The following SNTB2 variants were observed in gnomAD, a reference collection of about 807,000 sequenced individuals.
SNTB2 encodes beta-2-syntrophin.
Under a neutral mutation model 46.2 loss-of-function variants are expected in SNTB2, and 34 were observed. The observed-to-expected ratio is 0.74, with a 90% CI of 0.56 to 0.98. The LOEUF (loss-of-function observed/expected upper bound fraction) is 0.98. SNTB2 is among the 50% of genes least tolerant of loss of function. The probability of loss-of-function intolerance (pLI) is 0.00; values close to 1 mark genes in which losing one functional copy is unlikely to be tolerated. For synonymous variants in SNTB2, 290 were observed against 312.6 expected, an observed-to-expected ratio of 0.93 and a Z score of 0.76; for missense variants, 603 against 731.4, an observed-to-expected ratio of 0.82 and a Z score of 2.02.
In SNTB2 at chr16:69,187,553, C is replaced by T. The variant is rs1487122631; in HGVS notation, c.387C>T (p.Ser129=). Residue 129 remains serine (S), a synonymous_variant, in exon 1 of 7, where the codon AGC becomes AGT. Coordinates refer to ENST00000336278, the MANE Select transcript of SNTB2 (RefSeq NM_006750.4). ...AAGAGGCGGGCGGCCTGGGCATCAGCATCAAGGGCGGCCGCGAGAACCGGA... is the reference window on the plus strand; with the variant it reads ...AAGAGGCGGGCGGCCTGGGCATCAGTATCAAGGGCGGCCGCGAGAACCGGA... ...VKQEAGGLGI[S]IKGGRENRMP... is the part of the protein sequence containing the mutation. 1 of 1,487,936 alleles carries T rather than the reference C, an allele frequency of 6.7e-7. No homozygotes were observed. Among genetic ancestry groups the T allele is most frequent in the Non-Finnish European group, 8.9e-7 (1 of 1,119,702 alleles). The allele number at this position is 1,487,936 out of a possible 1,614,324, so 92.2% of individuals were successfully genotyped here.
intron 1 of SNTB2, among the ~76,000 whole-genome samples, chr16:69,218,726 C>T (rs1484155452): frequency 6.6e-6 from 1 of 152,144 alleles, no homozygotes; most frequent in Non-Finnish European, 1.5e-5. Context: ...TGGCCTGTTA[C>T]AAACAATTTT....
chr16:69,215,249 G>A (rs1350179283), intron 1 of SNTB2, among the ~76,000 whole-genome samples: 1 of 152,186 alleles, frequency 6.6e-6, no homozygotes, highest in Non-Finnish European at 1.5e-5. Context: ...GCCAGGTGTG[G>A]TGATGCATGC....
intron 2 of SNTB2, among the ~76,000 whole-genome samples, chr16:69,255,930 G>A (rs148684062): frequency 2.5e-3 from 366 of 149,040 alleles, no homozygotes; most frequent in Admixed American, 3.8e-3. Context: ...GCTCACGCCT[G>A]TAATCCCAGC....
At chr16:69,280,802 C>CTTT (rs35066494) in intron 4 of SNTB2, among the ~76,000 whole-genome samples, 18,690 of 146,252 alleles carry the variant, frequency 0.13, 1,481 homozygotes, top group Middle Eastern at 0.22. Context: ...TTCATTCTCT[C>CTTT]TTTTTTTTTT....
At position 69,303,604 on chromosome 16, in the gene SNTB2, T is replaced by C. The variant is rs1965293334; in HGVS notation, c.*2680T>C. On this transcript the variant is annotated 3_prime_UTR_variant, in exon 7 of 7. Coordinates refer to ENST00000336278, the MANE Select transcript of SNTB2 (RefSeq NM_006750.4). ...AAATGAAAGTGTGGGAGGTTTCCTT[T>C]GTCCATTAGCAGCCCCAAGAACCAG... The C allele has an allele frequency of 1.3e-5, 2 of 152,660 alleles. No homozygotes were observed. The highest frequency in any genetic ancestry group is 2.9e-5 in the Non-Finnish European group (2 of 68,060). 9.5% of individuals were successfully genotyped at this position (152,660 alleles called of 1,614,324 possible). A position where few individuals can be genotyped will look rare whatever the true frequency, so the allele number is the denominator to read the frequency against.
chr16:69,278,208 T>G (rs1202144168), intron 4 of SNTB2, among the ~76,000 whole-genome samples: 1 of 152,016 alleles, frequency 6.6e-6, no homozygotes, highest in East Asian at 1.9e-4. Flanking sequence ...TCCTAGCTAC[T>G]CAGAAGCTGA....
intron 2 of SNTB2, among the ~76,000 whole-genome samples, chr16:69,255,129 G>A (rs1439325255): frequency 3.3e-5 from 5 of 151,604 alleles, no homozygotes; most frequent in Admixed American, 6.6e-5. Flanking sequence ...ACAGGATCTC[G>A]CTCTGTCACC....
chr16:69,250,694 T>G (rs1455982514), intron 2 of SNTB2, among the ~76,000 whole-genome samples: 1 of 151,926 alleles, frequency 6.6e-6, no homozygotes, highest in African/African-American at 2.4e-5. Flanking sequence ...GCTGGGAGTT[T>G]GCGACCCTGT....
chr16:69,287,754 G>A (rs1965118483), intron 5 of SNTB2, among the ~76,000 whole-genome samples: 1 of 152,020 alleles, frequency 6.6e-6, no homozygotes, highest in Non-Finnish European at 1.5e-5. Context: ...AGCTACTCGG[G>A]ATGGTGAGGC....
Position 69,260,092 on chromosome 16 carries a change from C to A in SNTB2, c.837C>A (p.Ile279=). ...LHSPDSRNTL[I]LRCKDTATAH... ...CTCCTGATAGCAGGAACACGTTGATCCTACGCTGCAAAGATACAGCCACAG... is the reference window on the plus strand; with the variant it reads ...CTCCTGATAGCAGGAACACGTTGATACTACGCTGCAAAGATACAGCCACAG... Residue 279 remains isoleucine, a synonymous_variant, in exon 3 of 7, where the codon ATC becomes ATA. Coordinates refer to ENST00000336278, the MANE Select transcript of SNTB2 (RefSeq NM_006750.4). 6.2e-7 allele frequency: 1 copy of A among 1,613,718 alleles called. No homozygotes were observed. Among genetic ancestry groups the A allele is most frequent in the East Asian group, 2.2e-5 (1 of 44,878 alleles).
chr16:69,207,112 CT>C (rs1203466603), intron 1 of SNTB2, among the ~76,000 whole-genome samples: 1 of 149,510 alleles, frequency 6.7e-6, no homozygotes, highest in Non-Finnish European at 1.5e-5. Flanking sequence ...TTCTTAGAGG[CT>C]TTAAAGTATA....
chr16:69,271,020 T>C (rs1443421560), intron 4 of SNTB2, among the ~76,000 whole-genome samples: 1 of 152,188 alleles, frequency 6.6e-6, no homozygotes, highest in African/African-American at 2.4e-5. Context: ...GATGAAACTA[T>C]CTGGAATATC....
intron 1 of SNTB2, among the ~76,000 whole-genome samples, chr16:69,212,992 T>A (rs1400759980): frequency 6.6e-6 from 1 of 152,200 alleles, no homozygotes; most frequent in Non-Finnish European, 1.5e-5. Context: ...CTTAATATAC[T>A]GAGTCATAAT....
chr16:69,289,627 A>G (rs1414358218), intron 5 of SNTB2, among the ~76,000 whole-genome samples: 1 of 152,148 alleles, frequency 6.6e-6, no homozygotes, highest in Non-Finnish European at 1.5e-5. Flanking sequence ...CCTAAGATAT[A>G]TACAAATATT....
intron 1 of SNTB2, among the ~76,000 whole-genome samples, chr16:69,214,684 G>A (rs540419276): frequency 1.3e-5 from 2 of 150,622 alleles, no homozygotes; most frequent in African/African-American, 4.9e-5. Context: ...CTGCCACCAC[G>A]CCTGGCTAAT....
intron 4 of SNTB2, among the ~76,000 whole-genome samples, chr16:69,270,568 A>G (rs923090659): frequency 3.3e-5 from 5 of 152,164 alleles, no homozygotes; most frequent in Non-Finnish European, 5.9e-5. Flanking sequence ...CATGAAGATT[A>G]TAGGGTTTTT....
rs180817428 is a variant in SNTB2 at position 69,287,084 on chromosome 16, A to T, written c.1345+2840A>T. 3.6e-4 allele frequency among the ~76,000 whole-genome samples: 55 copies of T among 152,346 alleles called. 2 individuals are homozygous for T. Among genetic ancestry groups the T allele is most frequent in the Admixed American group, 3.5e-3 (54 of 15,294 alleles). On this transcript the variant is annotated intron_variant, in intron 5 of 6. Coordinates refer to ENST00000336278, the MANE Select transcript of SNTB2 (RefSeq NM_006750.4). ...AAATGTGTGCCCAACACTTACTCAA[A>T]TAAGTATCTAAAGGAAATAAGGTTG...
chr16:69,203,770 A>G (rs929611153), intron 1 of SNTB2, among the ~76,000 whole-genome samples: 1 of 152,098 alleles, frequency 6.6e-6, no homozygotes, highest in South Asian at 2.1e-4. Context: ...AATAATAATA[A>G]TAATTCTTAT....
At chr16:69,191,745 A>G (rs1964056929) in intron 1 of SNTB2, among the ~76,000 whole-genome samples, 1 of 151,872 alleles carries the variant, frequency 6.6e-6, no homozygotes, top group Non-Finnish European at 1.5e-5. Flanking sequence ...GGTTCACGCC[A>G]TTCTGCTGCC....
Sources: gnomAD v4.1 joint callset for allele counts (sites outside exome capture counted in the v4.1 genomes callset) on GRCh38, gnomAD v4.1.1 for gene constraint, MANE v1.5 for transcripts, NCBI Gene and HGNC (gene_info 2026-07-23, HGNC 2026-07-21) for gene names.